TMEM38A: variants seen among roughly 807,000 people sequenced by gnomAD.
TMEM38A encodes the protein trimeric intracellular cation channel type A.
In TMEM38A, 17 loss-of-function variants were observed where a neutral mutation model predicts 28.6. The observed-to-expected ratio is 0.60, with a 90% CI of 0.41 to 0.89. TMEM38A has a LOEUF of 0.89. Ranked by LOEUF, TMEM38A falls within the 40% of genes least tolerant of loss-of-function variation. TMEM38A has a pLI of 0.00. For missense variants in TMEM38A, 328 were observed against 393.1 expected, an observed-to-expected ratio of 0.83 and a Z score of 1.40; for synonymous variants, 169 against 166.1, an observed-to-expected ratio of 1.02 and a Z score of -0.14.
In TMEM38A at chr19:16,672,446, A is replaced by ATTTTTTT. The variant is rs746189021; in HGVS notation, c.125-7524_125-7518dup. Among the ~76,000 whole-genome samples, 634 of 104,952 alleles carry ATTTTTTT rather than the reference A, an allele frequency of 6.0e-3. 59 individuals carry two copies. Among genetic ancestry groups the ATTTTTTT allele is most frequent in the African/African-American group, 0.019 (451 of 23,388 alleles). 68.9% of individuals were successfully genotyped at this position (104,952 alleles called of 152,430 possible). Reference sequence around the variant, plus strand: ...TAAAAAAAAATCACAAAAAAACCTCATTTTTTTTTTTTTTTTTTTTGAGGC... The same window carrying ATTTTTTT: ...TAAAAAAAAATCACAAAAAAACCTCATTTTTTTTTTTTTTTTTTTTTTTTTTTGAGGC... On this transcript the variant is annotated intron_variant, in intron 1 of 5. Transcript: ENST00000187762.
Position 16,680,473 on chromosome 19 carries a change from G to A in TMEM38A, c.358G>A (p.Ala120Thr), listed in dbSNP as rs772367320. 6 of 1,614,018 alleles carry A rather than the reference G, an allele frequency of 3.7e-6. No individual in the cohort carries two copies. The African/African-American group carries it at 4.0e-5, about 11-fold the overall frequency. The change falls in exon 3 of 6, where the codon GCC (alanine) becomes ACC (threonine). Residue 120 changes from alanine to threonine, a missense_variant. Transcript: ENST00000187762. ...CCTGCCTGTGAAACTCATCTTCGTG[G>A]CCATGAAGGAGGTGGTGCGAGTCCG... ...CFLPVKLIFVAMKEVVRVRKI... is the reference protein window; with the variant it reads ...CFLPVKLIFVTMKEVVRVRKI...
Position 16,680,582 on chromosome 19 carries a change from G to C in TMEM38A, c.466+1G>C. The C allele has an allele frequency of 6.2e-7, 1 of 1,611,862 alleles. No homozygotes were observed. The highest frequency in any genetic ancestry group is 2.2e-5 in the East Asian group (1 of 44,804). On this transcript the variant is annotated splice_donor_variant, in intron 3 of 5. Coordinates refer to ENST00000187762, the MANE Select transcript of TMEM38A (RefSeq NM_024074.4). LOFTEE classifies it high-confidence loss of function. ...ATGATTGCAACTGGGTGGGTCAAAG[G>C]TAAATAGGATGATGACAATGAAAAA...
rs1284344865 is a variant in TMEM38A, at chr19:16,680,058, A to G, written c.199A>G (p.Ile67Val). The change falls in exon 2 of 6, where the codon ATC (isoleucine) becomes GTC (valine). Residue 67 changes from isoleucine to valine, a missense_variant. Ile to Val is a conservative substitution (Grantham distance 29). Transcript: ENST00000187762. ...CAMLHCFGSY[I>V]LADLLLGEPL... The stretch of plus-strand genomic sequence containing the variant: ...CATGCTGCATTGCTTCGGGAGCTAC[A>G]TCCTGGCTGATCTGCTCCTTGGGGA... 2 of 1,611,408 alleles carry G rather than the reference A, an allele frequency of 1.2e-6. No individual in the cohort carries two copies. The highest frequency in any genetic ancestry group is 1.7e-6 in the Non-Finnish European group (2 of 1,180,012).
intron 1 of TMEM38A, among the ~76,000 whole-genome samples, chr19:16,666,736 CAA>C (rs2086704627): frequency 6.6e-6 from 1 of 152,114 alleles, no homozygotes; most frequent in African/African-American, 2.4e-5. Context: ...GGCTGGATCA[CAA>C]AGTCAGGAGT....
chr19:16,677,074 G>GAAAA (rs398079759), intron 1 of TMEM38A, among the ~76,000 whole-genome samples: 8,525 of 108,804 alleles, frequency 0.078, 353 homozygotes, highest in East Asian at 0.26. Context: ...TTTTTAAAAA[G>GAAAA]AAAAAAAAAA....
intron 4 of TMEM38A, among the ~76,000 whole-genome samples, chr19:16,683,592 C>CAAA (rs558424228): frequency 0.039 from 3,179 of 80,842 alleles, 194 homozygotes; most frequent in African/African-American, 0.12. Context: ...GACCTTGTCT[C>CAAA]AAAAAAAAAA....
At chr19:16,682,011 T>C (rs1401584560) in intron 3 of TMEM38A, among the ~76,000 whole-genome samples, 1 of 152,148 alleles carries the variant, frequency 6.6e-6, no homozygotes, top group East Asian at 1.9e-4. Flanking sequence ...CCCAGGGGTA[T>C]AGCATCTCCT....
chr19:16,685,084 A>AAATAAATAAATAAAAC (rs2122599507), intron 4 of TMEM38A, among the ~76,000 whole-genome samples: 1 of 150,830 alleles, frequency 6.6e-6, no homozygotes, highest in African/African-American at 2.4e-5. Context: ...ATAAATAAAT[A>AAATAAATAAATAAAAC]AAACGAAATC....
At chr19:16,673,934 A>G (rs2086738409) in intron 1 of TMEM38A, among the ~76,000 whole-genome samples, 1 of 134,248 alleles carries the variant, frequency 7.4e-6, no homozygotes, top group Non-Finnish European at 1.5e-5. Context: ...CAAAAAAAGA[A>G]AAAAAAAAAA....
chr19:16,668,472 G>A (rs917210239), intron 1 of TMEM38A, among the ~76,000 whole-genome samples: 10 of 150,854 alleles, frequency 6.6e-5, no homozygotes, highest in Non-Finnish European at 1.5e-4. Context: ...TTGAACCTGG[G>A]GGGAGGCGGA....
chr19:16,661,338 C>A lies in TMEM38A; in HGVS notation c.121C>A (p.Pro41Thr). 6.3e-7 allele frequency: 1 copy of A among 1,588,834 alleles called. No individual in the cohort carries two copies. The highest frequency in any genetic ancestry group is 2.4e-5 in the East Asian group (1 of 41,962). Residue 41 changes from proline to threonine, a missense_variant, in exon 1 of 6, where the codon CCA becomes ACA. Physicochemically the swap from Pro to Thr is conservative, Grantham distance 38. Transcript: ENST00000187762. This position sits in a 1 kb window ranked among gnomAD's most constrained non-coding sequence, Gnocchi z 6.5. ...CTCCATCCTCTACCTCAAGTATGAG[C>A]CAGGTGAGCCGGGGCGGGGGGCTGG... ...IVSILYLKYE[P>T]GAVELSRRHP...
At chr19:16,666,299 T>C (rs2086702904) in intron 1 of TMEM38A, among the ~76,000 whole-genome samples, 1 of 151,878 alleles carries the variant, frequency 6.6e-6, no homozygotes, top group East Asian at 1.9e-4. Flanking sequence ...GTATTTTTAG[T>C]AGAGATGAGT....
In TMEM38A at chr19:16,661,734, C is replaced by G. The variant is rs1029447632; in HGVS notation, c.124+393C>G. Among the ~76,000 whole-genome samples, 1 of 149,198 alleles carries G rather than the reference C, an allele frequency of 6.7e-6. No homozygotes were observed. The highest frequency in any genetic ancestry group is 2.6e-5 in the African/African-American group (1 of 38,976). On this transcript the variant is annotated intron_variant, in intron 1 of 5. Coordinates refer to ENST00000187762, the MANE Select transcript of TMEM38A (RefSeq NM_024074.4). This position sits in a 1 kb window ranked among gnomAD's most constrained non-coding sequence, Gnocchi z 6.5. ...CGCAGGTGTGACCTCCCTCCTTGAC[C>G]TTGGCACGCGGATTGAGAGCGCCAG...
chr19:16,680,520 T>C lies in TMEM38A; in HGVS notation c.405T>C (p.His135=). 6.2e-7 allele frequency: 1 copy of C among 1,614,140 alleles called. No homozygotes were observed. The highest frequency in any genetic ancestry group is 8.5e-7 in the Non-Finnish European group (1 of 1,180,006). The change falls in exon 3 of 6, where the codon CAT becomes CAC. Residue 135 remains histidine, a synonymous_variant. Coordinates refer to ENST00000187762, the MANE Select transcript of TMEM38A (RefSeq NM_024074.4). ...VRVRKIAVGI[H]HAHHHYHHGW... is the part of the protein sequence containing the mutation. ...TCCGCAAGATCGCGGTGGGCATCCATCACGCCCATCACCACTACCACCACG... is the reference window on the plus strand; with the variant it reads ...TCCGCAAGATCGCGGTGGGCATCCACCACGCCCATCACCACTACCACCACG...
chr19:16,675,574 A>G (rs1003988117), intron 1 of TMEM38A, among the ~76,000 whole-genome samples: 4 of 135,236 alleles, frequency 3.0e-5, no homozygotes, highest in Admixed American at 7.7e-5. Context: ...TTAGAGACAG[A>G]GTCTCACTCT....
At chr19:16,680,344 C>A in intron 2 of TMEM38A, 53 bp from the exon 3 acceptor site, 2 of 1,598,436 alleles carry the variant, frequency 1.3e-6, no homozygotes, top group African/African-American at 2.7e-5. Flanking sequence ...CTCCCTACCC[C>A]CATCCTTCAC....
At chr19:16,680,701 T>C in intron 3 of TMEM38A, 120 bp downstream of exon 3, 2 of 966,004 alleles carry the variant, frequency 2.1e-6, no homozygotes, top group Non-Finnish European at 1.6e-6. Context: ...AAGACTGCAG[T>C]AGGTGTTCAA....
In TMEM38A at chr19:16,678,891, G is replaced by A. The variant is rs368209462; in HGVS notation, c.125-1093G>A. On this transcript the variant is annotated intron_variant, in intron 1 of 5. Coordinates refer to ENST00000187762, the MANE Select transcript of TMEM38A (RefSeq NM_024074.4). The stretch of plus-strand genomic sequence containing the variant: ...AGGCTGGGCACGGTGACTCATGCCT[G>A]TAATCCCAGCACTTTGGGAGGCTGA... Among the ~76,000 whole-genome samples the A allele has an allele frequency of 7.9e-5, 12 of 151,842 alleles. No homozygotes were observed. The East Asian group carries it at 1.4e-3, about 17-fold the overall frequency.
intron 4 of TMEM38A, among the ~76,000 whole-genome samples, chr19:16,685,286 T>C (rs183665893): frequency 2.8e-4 from 43 of 152,046 alleles, no homozygotes; most frequent in African/African-American, 1.0e-3. Flanking sequence ...CTCGGGAGGC[T>C]GAGGCAGGAA....
Sources: gnomAD v4.1 joint callset for allele counts (sites outside exome capture counted in the v4.1 genomes callset) on GRCh38, gnomAD v4.1.1 for gene constraint, Gnocchi (gnomAD v3.1) non-coding constraint, MANE v1.5 for transcripts, NCBI Gene and HGNC (gene_info 2026-07-23, HGNC 2026-07-21) for gene names.